The following ATP8A2 variants were observed in gnomAD, a reference collection of about 807,000 sequenced individuals.
ATP8A2 encodes the protein ATPase phospholipid transporting 8A2.
In ATP8A2, 100 loss-of-function variants were observed where a neutral mutation model predicts 165.6. That is an observed-to-expected ratio of 0.60 (90% CI 0.51 to 0.71). ATP8A2 has a LOEUF of 0.71. Ranked by LOEUF, ATP8A2 falls within the 30% of genes least tolerant of loss-of-function variation. ATP8A2 has a pLI of 0.00. For synonymous variants in ATP8A2, 543 were observed against 548.8 expected, an observed-to-expected ratio of 0.99 and a Z score of 0.15; for missense variants, 1,227 against 1,479.5, an observed-to-expected ratio of 0.83 and a Z score of 2.80.
At chr13:25,530,789 G>T in intron 4 of ATP8A2, 129 bp downstream of exon 4, 2 of 626,284 alleles carry the variant, frequency 3.2e-6, no homozygotes, top group South Asian at 1.9e-5. Context: ...ACACCTGATG[G>T]TATTTTTAGG....
chr13:25,832,614 A>ATGGGATC (rs768619059), intron 28 of ATP8A2, among the ~76,000 whole-genome samples: 5 of 152,242 alleles, frequency 3.3e-5, no homozygotes, highest in Non-Finnish European at 7.3e-5. Context: ...CCATCAGCAG[A>ATGGGATC]TGCTACAAAA....
At chr13:25,743,173 C>A (rs1026679304) in intron 25 of ATP8A2, among the ~76,000 whole-genome samples, 1 of 151,950 alleles carries the variant, frequency 6.6e-6, no homozygotes, top group African/African-American at 2.4e-5. Context: ...GACACAGGCA[C>A]ACAGGAAGAA....
In ATP8A2 at chr13:25,439,508, C is replaced by T. The variant is rs139121314; in HGVS notation, c.77-29469C>T. On this transcript the variant is annotated intron_variant, in intron 1 of 36. Transcript: ENST00000381655. The stretch of plus-strand genomic sequence containing the variant: ...GCACACTTGCTTGCTGCTTGTCAGA[C>T]TTTTAAAGCTTTCTACCACTTGTTT... Among the ~76,000 whole-genome samples, 44 of 152,308 alleles carry T rather than the reference C, an allele frequency of 2.9e-4. No homozygotes were observed. The Middle Eastern group carries it at 0.01, about 35-fold the overall frequency.
intron 25 of ATP8A2, among the ~76,000 whole-genome samples, chr13:25,742,031 G>A (rs903933477): frequency 2.6e-5 from 4 of 152,118 alleles, no homozygotes; most frequent in Admixed American, 6.5e-5. Context: ...TGAGATATTC[G>A]TCATCAGGAA....
rs1175748460 is a variant in ATP8A2 at position 25,372,854 on chromosome 13, G to A, written c.76+566G>A. Among the ~76,000 whole-genome samples, 1 of 152,156 alleles carries A rather than the reference G, an allele frequency of 6.6e-6. No individual in the cohort carries two copies. The highest frequency in any genetic ancestry group is 1.5e-5 in the Non-Finnish European group (1 of 68,028). On this transcript the variant is annotated intron_variant, in intron 1 of 36. Coordinates refer to ENST00000381655, the MANE Select transcript of ATP8A2 (RefSeq NM_016529.6). This position sits in a 1 kb window ranked among gnomAD's most constrained non-coding sequence, Gnocchi z 4.8. ...CCATCCGTGCATACAACCATCTGGA[G>A]ACGAACACACACACGCACACGCGCG...
chr13:25,777,353 T>A (rs2044765584), intron 27 of ATP8A2, among the ~76,000 whole-genome samples: 1 of 152,212 alleles, frequency 6.6e-6, no homozygotes, highest in Non-Finnish European at 1.5e-5. Flanking sequence ...AAATATAGTT[T>A]TAAAAATAGG....
At chr13:25,863,742 AT>A (rs1952422833) in intron 33 of ATP8A2, 1 of 152,280 alleles carries the variant, frequency 6.6e-6, no homozygotes, top group Non-Finnish European at 1.5e-5. Flanking sequence ...CTGTCAGCTA[AT>A]AGCCCAGGTC....
intron 1 of ATP8A2, among the ~76,000 whole-genome samples, chr13:25,391,135 G>T (rs913003162): frequency 2.6e-5 from 4 of 152,150 alleles, no homozygotes; most frequent in African/African-American, 9.7e-5. Context: ...GCATAAGGCA[G>T]AACAGAATGA....
rs114684218 is a variant in ATP8A2 at position 25,574,506 on chromosome 13, A to G, written c.1663-302A>G. Among the ~76,000 whole-genome samples, 1,102 of 152,312 alleles carry G rather than the reference A, an allele frequency of 7.2e-3. 17 individuals carry two copies. Among genetic ancestry groups the G allele is most frequent in the African/African-American group, 0.026 (1,067 of 41,570 alleles). Reference sequence around the variant, plus strand: ...GTCTATATAATTTGTAAAATCCTGAATTCAGAAGCATAACTGGGCCAAAGG... The same window carrying G: ...GTCTATATAATTTGTAAAATCCTGAGTTCAGAAGCATAACTGGGCCAAAGG... On this transcript the variant is annotated intron_variant, in intron 18 of 36. Coordinates refer to ENST00000381655, the MANE Select transcript of ATP8A2 (RefSeq NM_016529.6).
At chr13:25,683,538 A>G (rs2042538328) in intron 24 of ATP8A2, among the ~76,000 whole-genome samples, 1 of 152,168 alleles carries the variant, frequency 6.6e-6, no homozygotes, top group Non-Finnish European at 1.5e-5. Context: ...TCTCATCTCA[A>G]CTGAAGTGCC....
chr13:25,849,664 G>A (rs1257075039), intron 30 of ATP8A2, among the ~76,000 whole-genome samples: 4 of 152,154 alleles, frequency 2.6e-5, no homozygotes, highest in Non-Finnish European at 5.9e-5. Context: ...TTCACAGTAG[G>A]CTGGTTTAGT....
intron 11 of ATP8A2, among the ~76,000 whole-genome samples, chr13:25,552,759 A>G (rs1158707299): frequency 6.6e-6 from 1 of 152,186 alleles, no homozygotes; most frequent in Non-Finnish European, 1.5e-5. Context: ...AAGAAAAGCA[A>G]CCAGCAGGAA....
chr13:25,940,530 C>T lies in ATP8A2; in HGVS notation c.3184-21045C>T, dbSNP rs306402. Among the ~76,000 whole-genome samples, 1,087 of 152,332 alleles carry T rather than the reference C, an allele frequency of 7.1e-3. 9 individuals carry two copies. Among genetic ancestry groups the T allele is most frequent in the African/African-American group, 0.025 (1,024 of 41,578 alleles). Reference sequence around the variant, plus strand: ...ACTGACTCATGCATATTACCGCCCCCGGTTCCCCTCCCTCACTGTCCTCCC... The same window carrying T: ...ACTGACTCATGCATATTACCGCCCCTGGTTCCCCTCCCTCACTGTCCTCCC... On this transcript the variant is annotated intron_variant, in intron 33 of 36. Transcript: ENST00000381655.
At chr13:25,560,700 C>CAAAAAA (rs748751011) in intron 15 of ATP8A2, among the ~76,000 whole-genome samples, 7 of 63,292 alleles carry the variant, frequency 1.1e-4, no homozygotes, top group Non-Finnish European at 1.5e-4. Context: ...ACTCTTGTCT[C>CAAAAAA]AAAAAAAAAA....
intron 4 of ATP8A2, among the ~76,000 whole-genome samples, chr13:25,531,374 G>GTTATATATATGATATATATATGA: frequency 1.1e-5 from 1 of 94,426 alleles, no homozygotes; most frequent in East Asian, 2.3e-4. Context: ...ATATATATAT[G>GTTATATATATGATATATATATGA]TTATATATAT....
At chr13:25,780,134 A>G (rs1170221305) in intron 27 of ATP8A2, among the ~76,000 whole-genome samples, 2 of 152,336 alleles carry the variant, frequency 1.3e-5, no homozygotes, top group Middle Eastern at 3.4e-3. Context: ...TAATAGGGAC[A>G]TTACTTGAAC....
chr13:26,000,779 C>T (rs896690903), intron 35 of ATP8A2, among the ~76,000 whole-genome samples: 1 of 151,486 alleles, frequency 6.6e-6, no homozygotes, highest in African/African-American at 2.4e-5. Flanking sequence ...AAAATGGCAT[C>T]ATTACCAACA....
chr13:25,803,616 C>T (rs991381092), intron 27 of ATP8A2, among the ~76,000 whole-genome samples: 1 of 152,186 alleles, frequency 6.6e-6, no homozygotes, highest in Non-Finnish European at 1.5e-5. Context: ...GCCTCGGGAC[C>T]AAAATGCCAC....
chr13:25,488,042 T>C (rs963666993), intron 2 of ATP8A2, among the ~76,000 whole-genome samples: 1 of 152,216 alleles, frequency 6.6e-6, no homozygotes, highest in Non-Finnish European at 1.5e-5. Context: ...GTCGGGAAGC[T>C]AAATGAGATT....
Sources: allele counts gnomAD v4.1 joint callset (sites outside exome capture counted in the v4.1 genomes callset), GRCh38; gene constraint gnomAD v4.1.1; non-coding constraint Gnocchi (gnomAD v3.1); transcripts MANE v1.5; gene names NCBI Gene and HGNC (gene_info 2026-07-23, HGNC 2026-07-21).